Variants in BCAN observed in about 807,000 individuals in gnomAD.
The protein encoded by BCAN is brevican core protein.
In BCAN, 51 loss-of-function variants were observed where a neutral mutation model predicts 92.4. The ratio of observed to expected loss-of-function variants is 0.55; its 90% CI spans 0.44 to 0.70. The LOEUF is 0.70. Ranked by LOEUF, BCAN falls within the 30% of genes least tolerant of loss-of-function variation. The pLI, the probability that BCAN is intolerant of heterozygous loss-of-function variation, is 0.00. For synonymous variants in BCAN, 501 were observed against 505.2 expected (o/e 0.99, Z 0.11); for missense variants, 1,140 against 1,212.1 (o/e 0.94, Z 0.88).
At position 156,648,744 on chromosome 1, in the gene BCAN, G is replaced by A. The variant is rs371857704; in HGVS notation, c.946G>A (p.Val316Ile). The A allele has an allele frequency of 9.9e-6, 16 of 1,612,800 alleles. No individual in the cohort carries two copies. The highest frequency in any genetic ancestry group is 6.7e-5 in the African/African-American group (5 of 74,900). ...LADGSVRYPI[V>I]TPSQRCGGGL... ...TGATGGCAGTGTGCGCTACCCCATC[G>A]TCACACCCAGCCAGCGCTGTGGTGG... The change falls in exon 6 of 14, where the codon GTC (valine) becomes ATC (isoleucine). Residue 316 changes from valine to isoleucine, a missense_variant. Around this residue, in one of 3 missense-constraint regions of BCAN, gnomAD observed 825 missense variants for 871.8 expected, o/e 0.95. Transcript: ENST00000329117.
chr1:156,649,569 A>T (rs2185784), intron 6 of BCAN, among the ~76,000 whole-genome samples: 54,011 of 151,948 alleles, frequency 0.36, 9,816 homozygotes, highest in South Asian at 0.52. Context: ...ATGTCTAGCA[A>T]ATTTTTGTAA....
At chr1:156,656,823 T>A (rs1313742346) in intron 9 of BCAN, 115 bp from the exon 10 acceptor site, 1 of 1,405,694 alleles carries the variant, frequency 7.1e-7, no homozygotes, top group Non-Finnish European at 9.6e-7. Context: ...CGCCCTCCTG[T>A]CCCCCTTAGT....
At chr1:156,652,982 C>A in intron 8 of BCAN, 90 bp downstream of exon 8, 1 of 1,561,312 alleles carries the variant, frequency 6.4e-7, no homozygotes, top group Non-Finnish European at 8.7e-7. Context: ...AGTCCTTTAA[C>A]CCACCATCAT....
chr1:156,648,581 G>C lies in BCAN; in HGVS notation c.783G>C (p.Leu261=). 1.3e-6 allele frequency: 2 copies of C among 1,593,336 alleles called. No individual in the cohort carries two copies. Among genetic ancestry groups the C allele is most frequent in the African/African-American group, 1.3e-5 (1 of 74,698 alleles). The change falls in exon 6 of 14, where the codon CTG becomes CTC. Residue 261 remains leucine, a synonymous_variant. Coordinates refer to ENST00000329117, the MANE Select transcript of BCAN (RefSeq NM_021948.5). ...TTCTCCACCCAGGAGAACTGTTCCT[G>C]GGTGACCCTCCAGAGAAGCTGACAT... ...YAEDLNGELF[L]GDPPEKLTLE...
rs778451687 is a variant in BCAN at position 156,658,221 on chromosome 1, G to A, written c.2387G>A (p.Ser796Asn). Residue 796 changes from serine to asparagine, a missense_variant, in exon 12 of 14, where the codon AGT becomes AAT. Transcript: ENST00000329117. This position sits in a 1 kb window ranked among gnomAD's most constrained non-coding sequence, Gnocchi z 4.4. Reference sequence around the variant, plus strand: ...GTGTGGCATGATCAGGGACAATGGAGTGACGTGCCCTGCAACTACCACCTG... The same window carrying A: ...GTGTGGCATGATCAGGGACAATGGAATGACGTGCCCTGCAACTACCACCTG... The part of the protein sequence containing the change: ...VMVWHDQGQW[S>N]DVPCNYHLSY... 8.2e-5 allele frequency: 133 copies of A among 1,614,092 alleles called. 1 individual carries two copies. Among genetic ancestry groups the A allele is most frequent in the Non-Finnish European group, 9.4e-5 (111 of 1,180,010 alleles).
chr1:156,651,797 T>C, intron 7 of BCAN, 108 bp downstream of exon 7: 1 of 1,038,822 alleles, frequency 9.6e-7, no homozygotes, highest in Non-Finnish European at 1.4e-6. Context: ...CTCTGCCCTG[T>C]CCTTTCTCAG....
Position 156,656,961 on chromosome 1 carries a change from T to TGGGACGCCTTCC in BCAN, c.2075_2086dup (p.Phe695_Gln696insArgAspAlaPhe). The TGGGACGCCTTCC allele has an allele frequency of 1.2e-6, 2 of 1,614,002 alleles. No homozygotes were observed. Among genetic ancestry groups the TGGGACGCCTTCC allele is most frequent in the Non-Finnish European group, 1.7e-6 (2 of 1,179,892 alleles). On this transcript the variant is annotated inframe_insertion, in exon 10 of 14. Transcript: ENST00000329117. ...AGGCCTCCGCTTCTGCAACCCCGGCTGGGACGCCTTCCAGGGCGCCTGCTA... is the reference window on the plus strand; with the variant it reads ...AGGCCTCCGCTTCTGCAACCCCGGCTGGGACGCCTTCCGGGACGCCTTCCAGGGCGCCTGCTA...
rs1679044479 is a variant in BCAN at position 156,648,048 on chromosome 1, AC to A, written c.708del (p.Tyr237MetfsTer19). ...GDMDGFPGVR[N>X]YGVVDPDDLY... ...ATGGATGGCTTCCCCGGGGTCCGGAACTATGGTGTGGTGGACCCGGATGACC... is the reference window on the plus strand; with the variant it reads ...ATGGATGGCTTCCCCGGGGTCCGGAATATGGTGTGGTGGACCCGGATGACC... On this transcript the variant is annotated frameshift_variant, in exon 5 of 14. Transcript: ENST00000329117. LOFTEE classifies it high-confidence loss of function. 1.2e-6 allele frequency: 2 copies of A among 1,613,910 alleles called. No individual in the cohort carries two copies. The highest frequency in any genetic ancestry group is 1.7e-6 in the Non-Finnish European group (2 of 1,179,964).
At chr1:156,643,029 C>A (rs1288234317) in intron 1 of BCAN, 1 of 152,202 alleles carries the variant, frequency 6.6e-6, no homozygotes, top group African/African-American at 2.4e-5. Flanking sequence ...TTTCCATATC[C>A]TGTCAGGTAT....
chr1:156,657,422 T>C (rs1313162067), intron 10 of BCAN: 2 of 549,374 alleles, frequency 3.6e-6, no homozygotes, highest in East Asian at 6.2e-5. Flanking sequence ...AACTCCAATC[T>C]TGTTGAAAGT....
At chr1:156,645,066 T>A (rs1275369775) in intron 1 of BCAN, among the ~76,000 whole-genome samples, 2 of 152,176 alleles carry the variant, frequency 1.3e-5, no homozygotes, top group African/African-American at 4.8e-5. Flanking sequence ...TCACAACACA[T>A]CCTTTTTATG....
chr1:156,659,246 C>CTG lies in BCAN; in HGVS notation c.*113_*114dup. On this transcript the variant is annotated 3_prime_UTR_variant, in exon 14 of 14. Transcript: ENST00000329117. Reference sequence around the variant, plus strand: ...AGTGACAACATGACGAGGGGTGGTACTGGAGTCCAGGTGACAGTTCCTGAA... The same window carrying CTG: ...AGTGACAACATGACGAGGGGTGGTACTGTGGAGTCCAGGTGACAGTTCCTGAA... 2 of 805,320 alleles carry CTG rather than the reference C, an allele frequency of 2.5e-6. No homozygotes were observed. The highest frequency in any genetic ancestry group is 3.8e-6 in the Non-Finnish European group (2 of 527,738). 49.9% of individuals were successfully genotyped at this position (805,320 alleles called of 1,614,324 possible).
intron 8 of BCAN, chr1:156,653,100 C>A: frequency 7.0e-7 from 1 of 1,421,154 alleles, no homozygotes; most frequent in South Asian, 1.5e-5. Context: ...CGTCTTTACC[C>A]TGTGATCCCA....
At chr1:156,646,552 G>A (rs1485659816) in intron 2 of BCAN, 2 of 607,480 alleles carry the variant, frequency 3.3e-6, no homozygotes, top group South Asian at 2.8e-5. Flanking sequence ...TGAGAGCAGG[G>A]CAAGGAATCC....
Position 156,647,820 on chromosome 1 carries a change from G to A in BCAN, c.641+138G>A. 1 of 1,527,802 alleles carries A rather than the reference G, an allele frequency of 6.5e-7. No homozygotes were observed. The highest frequency in any genetic ancestry group is 9.0e-7 in the Non-Finnish European group (1 of 1,107,840). 94.6% of individuals were successfully genotyped at this position (1,527,802 alleles called of 1,614,324 possible). ...TGGGGGATGAGGCTGGTCTGAGGAG[G>A]GGAGGTGAGGACCCTGAGCATGTGC... On this transcript the variant is annotated intron_variant, in intron 4 of 13. Coordinates refer to ENST00000329117, the MANE Select transcript of BCAN (RefSeq NM_021948.5). This position sits in a 1 kb window ranked among gnomAD's most constrained non-coding sequence, Gnocchi z 4.8.
chr1:156,658,037 C>G lies in BCAN; in HGVS notation c.2293-90C>G. On this transcript the variant is annotated intron_variant, in intron 11 of 13. Coordinates refer to ENST00000329117, the MANE Select transcript of BCAN (RefSeq NM_021948.5). This position sits in a 1 kb window ranked among gnomAD's most constrained non-coding sequence, Gnocchi z 4.4. ...CCCTAACCTTCCCTCTCCTGGGGCCCCGCTCACCAGCCCTCCTCCCCAGAT... is the reference window on the plus strand; with the variant it reads ...CCCTAACCTTCCCTCTCCTGGGGCCGCGCTCACCAGCCCTCCTCCCCAGAT... The G allele has an allele frequency of 6.7e-7, 1 of 1,493,132 alleles. No homozygotes were observed. The highest frequency in any genetic ancestry group is 9.1e-7 in the Non-Finnish European group (1 of 1,097,904). 92.5% of individuals were successfully genotyped at this position (1,493,132 alleles called of 1,614,324 possible). A position where few individuals can be genotyped will look rare whatever the true frequency, so the allele number is the denominator to read the frequency against.
At chr1:156,656,254 C>G in intron 8 of BCAN, 28 bp from the exon 9 acceptor site, 1 of 1,436,860 alleles carries the variant, frequency 7.0e-7, no homozygotes, top group Non-Finnish European at 9.1e-7. Flanking sequence ...GCCTCGCTCC[C>G]CCCGCCTCAC....
rs772889107 is a variant in BCAN, at chr1:156,659,057, G to A, written c.2659G>A (p.Glu887Lys). 3.7e-6 allele frequency: 6 copies of A among 1,602,140 alleles called. No individual in the cohort carries two copies. In the South Asian group the frequency reaches 6.8e-5, roughly 18 times the overall value. The change falls in exon 14 of 14, where the codon GAA becomes AAA. Residue 887 changes from glutamate to lysine, a missense_variant. This residue lies in a region of BCAN where 825 missense variants were observed against 871.8 expected (regional missense o/e 0.95). Transcript: ENST00000329117. ...ARALHPEEDP[E>K]GRQGRLLGRW... ...AGCTCTGCACCCAGAGGAGGACCCA[G>A]AAGGACGTCAGGGGAGGCTACTGGG...
chr1:156,657,242 C>A, intron 10 of BCAN, 146 bp downstream of exon 10: 1 of 1,054,828 alleles, frequency 9.5e-7, no homozygotes, highest in Non-Finnish European at 1.3e-6. Flanking sequence ...CACTCCCCTT[C>A]TCATTCTCTC....
Sources: allele counts gnomAD v4.1 joint callset (sites outside exome capture counted in the v4.1 genomes callset), GRCh38; gene constraint gnomAD v4.1.1; regional missense constraint gnomAD v4.1.1; non-coding constraint Gnocchi (gnomAD v3.1); transcripts MANE v1.5; gene names NCBI Gene and HGNC (gene_info 2026-07-23, HGNC 2026-07-21).